FOXB2: variants seen among roughly 807,000 people sequenced by gnomAD.
The protein encoded by FOXB2 is forkhead box B2.
In FOXB2, 1 loss-of-function variant was observed where a neutral mutation model predicts 0.9. The observed-to-expected ratio is 1.09, with a 90% CI of 0.39 to 5.18. The LOEUF is 5.18. FOXB2 is among the 30% of genes most tolerant of loss of function. The probability of loss-of-function intolerance (pLI) is 0.16; values close to 1 mark genes in which losing one functional copy is unlikely to be tolerated. For synonymous variants in FOXB2, 322 were observed against 293.5 expected, an observed-to-expected ratio of 1.10 and a Z score of -0.99; for missense variants, 670 against 626.6, an observed-to-expected ratio of 1.07 and a Z score of -0.74.
Position 77,020,322 on chromosome 9 carries a change from T to TGGCGGCGGC in FOXB2, c.681_689dup (p.Ala232_Ala234dup). The TGGCGGCGGC allele has an allele frequency of 9.4e-7, 1 of 1,069,182 alleles. No homozygotes were observed. Among genetic ancestry groups the TGGCGGCGGC allele is most frequent in the Non-Finnish European group, 1.1e-6 (1 of 881,308 alleles). 66.2% of individuals were successfully genotyped at this position (1,069,182 alleles called of 1,614,324 possible). ...GGCAAGATGCAGGAGGCGGCGGCCG[T>TGGCGGCGGC]GGCGGCGGCGGCGGCGGCGGCCGCG... On this transcript the variant is annotated inframe_insertion, in exon 1 of 1. Coordinates refer to ENST00000376708, the MANE Select transcript of FOXB2 (RefSeq NM_001013735.1). This position sits in a 1 kb window ranked among gnomAD's most constrained non-coding sequence, Gnocchi z 4.9.
rs2063916087 is a variant in FOXB2, at chr9:77,020,866, G to T, written c.1212G>T (p.Ser404=). The T allele has an allele frequency of 1.3e-6, 2 of 1,551,292 alleles. No individual in the cohort carries two copies. The highest frequency in any genetic ancestry group is 1.7e-6 in the Non-Finnish European group (2 of 1,155,124). The part of the protein sequence containing the change: ...PSTVCSAAAA[S]PVASLLEPTA... The stretch of plus-strand genomic sequence containing the variant: ...CCGTGTGCTCCGCGGCCGCGGCCTC[G>T]CCCGTTGCCTCTCTGCTGGAGCCCA... Residue 404 remains serine (S), a synonymous_variant, in exon 1 of 1, where the codon TCG becomes TCT. Coordinates refer to ENST00000376708, the MANE Select transcript of FOXB2 (RefSeq NM_001013735.1). This position sits in a 1 kb window ranked among gnomAD's most constrained non-coding sequence, Gnocchi z 4.9.
chr9:77,019,785 T>A lies in FOXB2; in HGVS notation c.131T>A (p.Met44Lys). Residue 44 changes from methionine to lysine, a missense_variant, in exon 1 of 1, where the codon ATG (methionine) becomes AAG (lysine). Met to Lys is a moderately conservative substitution (Grantham distance 95). Coordinates refer to ENST00000376708, the MANE Select transcript of FOXB2 (RefSeq NM_001013735.1). The surrounding 1 kb of genome is among the most constrained non-coding windows in gnomAD (Gnocchi z 4.4). ...LPLSDIYKFI[M>K]ERFPYYREHT... ...CTGAGCGACATCTACAAGTTCATCA[T>A]GGAGCGCTTCCCCTACTACCGCGAG... 6.2e-7 allele frequency: 1 copy of A among 1,614,134 alleles called. No homozygotes were observed. The highest frequency in any genetic ancestry group is 8.5e-7 in the Non-Finnish European group (1 of 1,180,022).
chr9:77,020,102 CA>C lies in FOXB2; in HGVS notation c.449del (p.His150ProfsTer188). The C allele has an allele frequency of 2.0e-6, 3 of 1,495,692 alleles. No individual in the cohort carries two copies. The allele number at this position is 1,495,692 out of a possible 1,614,324, so 92.7% of individuals were successfully genotyped here. Reference sequence around the variant, plus strand: ...CCACCACCCCCACCACCACCATCATCACCACGCTGCCGCACACCACCACCAT... The same window carrying C: ...CCACCACCCCCACCACCACCATCATCCCACGCTGCCGCACACCACCACCAT... ...HHHHPHHHHH[H>X]HAAAHHHHHH... is the part of the protein sequence containing the mutation. On this transcript the variant is annotated frameshift_variant, in exon 1 of 1. Transcript: ENST00000376708. LOFTEE classifies it low-confidence loss of function (END_TRUNC). The surrounding 1 kb of genome is among the most constrained non-coding windows in gnomAD (Gnocchi z 4.9).
chr9:77,019,744 C>G lies in FOXB2; in HGVS notation c.90C>G (p.Ala30=), dbSNP rs773539196. 8.7e-6 allele frequency: 14 copies of G among 1,613,940 alleles called. No individual in the cohort carries two copies. The African/African-American group carries it at 1.9e-4, about 22-fold the overall frequency. Residue 30 remains alanine, a synonymous_variant, in exon 1 of 1, where the codon GCC becomes GCG. Coordinates refer to ENST00000376708, the MANE Select transcript of FOXB2 (RefSeq NM_001013735.1). This position sits in a 1 kb window ranked among gnomAD's most constrained non-coding sequence, Gnocchi z 4.4. ...CCGCCATGGCAATCCAGCACTCGGC[C>G]GAGAAGATGCTGCCGCTGAGCGACA... The part of the protein sequence containing the change: ...SLTAMAIQHS[A]EKMLPLSDIY...
In FOXB2 at chr9:77,020,552, T is replaced by A. The variant is rs1222697161; in HGVS notation, c.898T>A (p.Tyr300Asn). 2 of 1,610,770 alleles carry A rather than the reference T, an allele frequency of 1.2e-6. No individual in the cohort carries two copies. The highest frequency in any genetic ancestry group is 2.7e-5 in the African/African-American group (2 of 74,514). ...PLASVMHHLG[Y>N]PVPGQLGNVV... is the part of the protein sequence containing the mutation. ...GGCGTCCGTCATGCACCACCTGGGC[T>A]ACCCCGTGCCCGGCCAGCTTGGCAA... The change falls in exon 1 of 1, where the codon TAC becomes AAC. Residue 300 changes from tyrosine (Y) to asparagine (N), a missense_variant. Coordinates refer to ENST00000376708, the MANE Select transcript of FOXB2 (RefSeq NM_001013735.1). The surrounding 1 kb of genome is among the most constrained non-coding windows in gnomAD (Gnocchi z 4.9).
Position 77,020,671 on chromosome 9 carries a change from G to A in FOXB2, c.1017G>A (p.Pro339=), listed in dbSNP as rs753299000. The A allele has an allele frequency of 6.2e-7, 1 of 1,603,768 alleles. No individual in the cohort carries two copies. The highest frequency in any genetic ancestry group is 2.3e-5 in the East Asian group (1 of 44,420). The change falls in exon 1 of 1, where the codon CCG becomes CCA. Residue 339 remains proline (P), a synonymous_variant. Coordinates refer to ENST00000376708, the MANE Select transcript of FOXB2 (RefSeq NM_001013735.1). The surrounding 1 kb of genome is among the most constrained non-coding windows in gnomAD (Gnocchi z 4.9). The part of the protein sequence containing the change: ...AAAAAGVPVG[P]EYGAFGVPVK... ...CCGCAGCCGGAGTCCCTGTAGGCCC[G>A]GAGTATGGGGCCTTCGGGGTCCCGG... is the stretch of plus-strand genomic sequence containing the variant.
rs1290373272 is a variant in FOXB2 at position 77,020,012 on chromosome 9, C to T, written c.358C>T (p.His120Tyr). Residue 120 changes from histidine to tyrosine, a missense_variant, in exon 1 of 1, where the codon CAC (histidine) becomes TAC (tyrosine). His to Tyr is a moderately conservative substitution (Grantham distance 83). Transcript: ENST00000376708. The surrounding 1 kb of genome is among the most constrained non-coding windows in gnomAD (Gnocchi z 4.9). ...KVLRADHTHL[H>Y]AGSTKSAPGA... ...GCTGCGCGCCGACCATACTCACTTG[C>T]ACGCGGGAAGCACCAAGAGCGCGCC... 6.2e-7 allele frequency: 1 copy of T among 1,610,838 alleles called. No individual in the cohort carries two copies. Among genetic ancestry groups the T allele is most frequent in the African/African-American group, 1.3e-5 (1 of 74,846 alleles).
Position 77,019,936 on chromosome 9 carries a change from G to T in FOXB2, c.282G>T (p.Gly94=), listed in dbSNP as rs200633122. The T allele has an allele frequency of 2.5e-5, 40 of 1,613,364 alleles. No homozygotes were observed. The highest frequency in any genetic ancestry group is 3.4e-5 in the Non-Finnish European group (40 of 1,180,020). ...GSFWALHPDC[G]DMFENGSFLR... is the part of the protein sequence containing the mutation. Reference sequence around the variant, plus strand: ...TCTGGGCGCTGCACCCCGACTGCGGGGACATGTTCGAGAACGGCAGCTTCC... The same window carrying T: ...TCTGGGCGCTGCACCCCGACTGCGGTGACATGTTCGAGAACGGCAGCTTCC... The change falls in exon 1 of 1, where the codon GGG becomes GGT. Residue 94 remains glycine (G), a synonymous_variant. Coordinates refer to ENST00000376708, the MANE Select transcript of FOXB2 (RefSeq NM_001013735.1). This position sits in a 1 kb window ranked among gnomAD's most constrained non-coding sequence, Gnocchi z 4.4.
chr9:77,020,019 G>T lies in FOXB2; in HGVS notation c.365G>T (p.Gly122Val), dbSNP rs1564571497. The change falls in exon 1 of 1, where the codon GGA (glycine) becomes GTA (valine). Residue 122 changes from glycine to valine, a missense_variant. Transcript: ENST00000376708. This position sits in a 1 kb window ranked among gnomAD's most constrained non-coding sequence, Gnocchi z 4.9. ...LRADHTHLHA[G>V]STKSAPGAGP... ...GCCGACCATACTCACTTGCACGCGG[G>T]AAGCACCAAGAGCGCGCCGGGCGCC... The T allele has an allele frequency of 1.2e-6, 2 of 1,610,234 alleles. No homozygotes were observed. The highest frequency in any genetic ancestry group is 4.5e-5 in the East Asian group (2 of 44,738).
At position 77,020,027 on chromosome 9, in the gene FOXB2, A is replaced by C; in HGVS notation, c.373A>C (p.Lys125Gln). ...DHTHLHAGST[K>Q]SAPGAGPGGH... ...TACTCACTTGCACGCGGGAAGCACC[A>C]AGAGCGCGCCGGGCGCCGGTCCGGG... The change falls in exon 1 of 1, where the codon AAG becomes CAG. Residue 125 changes from lysine (K) to glutamine (Q), a missense_variant. Transcript: ENST00000376708. This position sits in a 1 kb window ranked among gnomAD's most constrained non-coding sequence, Gnocchi z 4.9. The C allele has an allele frequency of 6.2e-7, 1 of 1,609,756 alleles. No homozygotes were observed. The highest frequency in any genetic ancestry group is 8.5e-7 in the Non-Finnish European group (1 of 1,178,996).
rs138048942 is a variant in FOXB2 at position 77,019,777 on chromosome 9, G to T, written c.123G>T (p.Lys41Asn). 2.2e-4 allele frequency: 361 copies of T among 1,614,156 alleles called. No individual in the cohort carries two copies. The African/African-American group carries it at 4.2e-3, about 19-fold the overall frequency. The part of the protein sequence containing the change: ...EKMLPLSDIY[K>N]FIMERFPYYR... ...TGCTGCCGCTGAGCGACATCTACAA[G>T]TTCATCATGGAGCGCTTCCCCTACT... is the stretch of plus-strand genomic sequence containing the variant. The change falls in exon 1 of 1, where the codon AAG (lysine) becomes AAT (asparagine). Residue 41 changes from lysine (K) to asparagine (N), a missense_variant. Transcript: ENST00000376708. The surrounding 1 kb of genome is among the most constrained non-coding windows in gnomAD (Gnocchi z 4.4).
chr9:77,020,851 C>T lies in FOXB2; in HGVS notation c.1197C>T (p.Ser399=), dbSNP rs1305093156. 8 of 1,547,334 alleles carry T rather than the reference C, an allele frequency of 5.2e-6. No homozygotes were observed. The highest frequency in any genetic ancestry group is 6.1e-6 in the Non-Finnish European group (7 of 1,152,912). The part of the protein sequence containing the change: ...QQPPAPSTVC[S]AAAASPVASL... ...CTCCGGCGCCATCCACCGTGTGCTCCGCGGCCGCGGCCTCGCCCGTTGCCT... is the reference window on the plus strand; with the variant it reads ...CTCCGGCGCCATCCACCGTGTGCTCTGCGGCCGCGGCCTCGCCCGTTGCCT... Residue 399 remains serine (S), a synonymous_variant, in exon 1 of 1, where the codon TCC becomes TCT. Coordinates refer to ENST00000376708, the MANE Select transcript of FOXB2 (RefSeq NM_001013735.1). The surrounding 1 kb of genome is among the most constrained non-coding windows in gnomAD (Gnocchi z 4.9).
chr9:77,019,730 A>G lies in FOXB2; in HGVS notation c.76A>G (p.Ile26Val). The G allele has an allele frequency of 6.2e-7, 1 of 1,613,986 alleles. No homozygotes were observed. Among genetic ancestry groups the G allele is most frequent in the South Asian group, 1.1e-5 (1 of 91,062 alleles). ...YSYISLTAMA[I>V]QHSAEKMLPL... ...TTACATCTCGCTGACCGCCATGGCA[A>G]TCCAGCACTCGGCCGAGAAGATGCT... is the stretch of plus-strand genomic sequence containing the variant. The change falls in exon 1 of 1, where the codon ATC becomes GTC. Residue 26 changes from isoleucine to valine, a missense_variant. Coordinates refer to ENST00000376708, the MANE Select transcript of FOXB2 (RefSeq NM_001013735.1). This position sits in a 1 kb window ranked among gnomAD's most constrained non-coding sequence, Gnocchi z 4.4.
Position 77,020,503 on chromosome 9 carries a change from G to A in FOXB2, c.849G>A (p.Val283=). 1.9e-6 allele frequency: 3 copies of A among 1,610,196 alleles called. No homozygotes were observed. Among genetic ancestry groups the A allele is most frequent in the Non-Finnish European group, 2.5e-6 (3 of 1,178,896 alleles). The change falls in exon 1 of 1, where the codon GTG becomes GTA. Residue 283 remains valine, a synonymous_variant. Transcript: ENST00000376708. The surrounding 1 kb of genome is among the most constrained non-coding windows in gnomAD (Gnocchi z 4.9). ...TTATTGGCCGGGACTACAAGGGCGT[G>A]CTGCAGGCTGGAGGGCTGCCCTTGG... The part of the protein sequence containing the change: ...ENIIGRDYKG[V]LQAGGLPLAS...
rs761870799 is a variant in FOXB2, at chr9:77,019,664, C to T, written c.10C>T (p.Pro4Ser). 4 of 1,574,640 alleles carry T rather than the reference C, an allele frequency of 2.5e-6. No individual in the cohort carries two copies. Among genetic ancestry groups the T allele is most frequent in the East Asian group, 4.7e-5 (2 of 42,520 alleles). Reference sequence around the variant, plus strand: ...GGAGGAGCCGGGGGCGATGCCGCGGCCGGGGAAGAGCTCGTACAGCGACCA... The same window carrying T: ...GGAGGAGCCGGGGGCGATGCCGCGGTCGGGGAAGAGCTCGTACAGCGACCA... Reference protein sequence around the residue: MPRPGKSSYSDQKP... With the variant: MPRSGKSSYSDQKP... The change falls in exon 1 of 1, where the codon CCG becomes TCG. Residue 4 changes from proline (P) to serine (S), a missense_variant. Transcript: ENST00000376708. This position sits in a 1 kb window ranked among gnomAD's most constrained non-coding sequence, Gnocchi z 4.4.
In FOXB2 at chr9:77,019,788, AGC is replaced by A; in HGVS notation, c.137_138del (p.Arg46LeufsTer39). 1 of 1,614,098 alleles carries A rather than the reference AGC, an allele frequency of 6.2e-7. No individual in the cohort carries two copies. The highest frequency in any genetic ancestry group is 2.2e-5 in the East Asian group (1 of 44,858). On this transcript the variant is annotated frameshift_variant, in exon 1 of 1. Coordinates refer to ENST00000376708, the MANE Select transcript of FOXB2 (RefSeq NM_001013735.1). LOFTEE classifies it low-confidence loss of function (END_TRUNC). This position sits in a 1 kb window ranked among gnomAD's most constrained non-coding sequence, Gnocchi z 4.4. ...AGCGACATCTACAAGTTCATCATGG[AGC>A]GCTTCCCCTACTACCGCGAGCACAC...
In FOXB2 at chr9:77,019,683, G is replaced by T. The variant is rs2063907614; in HGVS notation, c.29G>T (p.Ser10Ile). 5 of 1,599,518 alleles carry T rather than the reference G, an allele frequency of 3.1e-6. No homozygotes were observed. Among genetic ancestry groups the T allele is most frequent in the Non-Finnish European group, 4.3e-6 (5 of 1,173,158 alleles). The change falls in exon 1 of 1, where the codon AGC becomes ATC. Residue 10 changes from serine (S) to isoleucine (I), a missense_variant. Physicochemically the swap from Ser to Ile is moderately radical, Grantham distance 142. Transcript: ENST00000376708. This position sits in a 1 kb window ranked among gnomAD's most constrained non-coding sequence, Gnocchi z 4.4. MPRPGKSSY[S>I]DQKPPYSYIS... is the part of the protein sequence containing the mutation. ...CCGCGGCCGGGGAAGAGCTCGTACA[G>T]CGACCAAAAACCGCCCTACTCTTAC...
rs764864782 is a variant in FOXB2 at position 77,020,682 on chromosome 9, C to G, written c.1028C>G (p.Ala343Gly). The part of the protein sequence containing the change: ...AGVPVGPEYG[A>G]FGVPVKSLCH... ...GTCCCTGTAGGCCCGGAGTATGGGG[C>G]CTTCGGGGTCCCGGTCAAGTCCCTG... Residue 343 changes from alanine to glycine, a missense_variant, in exon 1 of 1, where the codon GCC becomes GGC. By Grantham distance (60) the Ala-to-Gly change is moderately conservative. Coordinates refer to ENST00000376708, the MANE Select transcript of FOXB2 (RefSeq NM_001013735.1). The surrounding 1 kb of genome is among the most constrained non-coding windows in gnomAD (Gnocchi z 4.9). The G allele has an allele frequency of 1.9e-6, 3 of 1,602,812 alleles. No homozygotes were observed. The highest frequency in any genetic ancestry group is 2.6e-6 in the Non-Finnish European group (3 of 1,176,066).
At position 77,020,548 on chromosome 9, in the gene FOXB2, G is replaced by T; in HGVS notation, c.894G>T (p.Leu298=). 6.2e-7 allele frequency: 1 copy of T among 1,611,128 alleles called. No homozygotes were observed. ...CCTTGGCGTCCGTCATGCACCACCTGGGCTACCCCGTGCCCGGCCAGCTTG... is the reference window on the plus strand; with the variant it reads ...CCTTGGCGTCCGTCATGCACCACCTTGGCTACCCCGTGCCCGGCCAGCTTG... ...GLPLASVMHH[L]GYPVPGQLGN... is the part of the protein sequence containing the mutation. The change falls in exon 1 of 1, where the codon CTG becomes CTT. Residue 298 remains leucine, a synonymous_variant. Transcript: ENST00000376708. This position sits in a 1 kb window ranked among gnomAD's most constrained non-coding sequence, Gnocchi z 4.9.
Sources: allele counts gnomAD v4.1 joint callset, GRCh38; gene constraint gnomAD v4.1.1; non-coding constraint Gnocchi (gnomAD v3.1); transcripts MANE v1.5; gene names NCBI Gene and HGNC (gene_info 2026-07-23, HGNC 2026-07-21).